TGFBRAP1: variants seen among roughly 807,000 people sequenced by gnomAD.
TGFBRAP1 encodes the protein transforming growth factor-beta receptor-associated protein 1.
In TGFBRAP1, 20 loss-of-function variants were observed where a neutral mutation model predicts 83.2. The ratio of observed to expected loss-of-function variants is 0.24; its 90% confidence interval spans 0.17 to 0.35. The LOEUF (loss-of-function observed/expected upper bound fraction) is 0.35, where lower values mean the gene tolerates loss of function less well. Among genes scored for constraint, TGFBRAP1 ranks in the 10% least tolerant of loss-of-function variants. TGFBRAP1 has a pLI of 1.00. For missense variants in TGFBRAP1, 950 were observed against 1,099.4 expected (o/e 0.86, Z 1.92); for synonymous variants, 415 against 459.8 (o/e 0.90, Z 1.25).
At chr2:105,305,855 C>A (rs1396060373) in intron 2 of TGFBRAP1, among the ~76,000 whole-genome samples, 2 of 151,808 alleles carry the variant, frequency 1.3e-5, no homozygotes, top group Non-Finnish European at 2.9e-5. Flanking sequence ...AGGGTTTCAC[C>A]TTTTGGCCAG....
downstream of TGFBRAP1, among the ~76,000 whole-genome samples, chr2:105,262,245 G>A (rs1052108609): frequency 6.6e-6 from 1 of 152,172 alleles, no homozygotes; most frequent in Non-Finnish European, 1.5e-5. Flanking sequence ...GGGGCCTAGT[G>A]GGAGGTATTG....
chr2:105,318,519 C>T (rs1054604413), intron 1 of TGFBRAP1, among the ~76,000 whole-genome samples: 7 of 152,058 alleles, frequency 4.6e-5, no homozygotes, highest in African/African-American at 1.7e-4. Context: ...ACCAGCTTAC[C>T]CTGGAAATAG....
chr2:105,252,968 A>T, the TGFBRAP1 span, among the ~76,000 whole-genome samples: 7 of 151,614 alleles, frequency 4.6e-5, no homozygotes, highest in African/African-American at 1.7e-4. Context: ...GTTAGCCAGG[A>T]TGGTCTCGAT....
chr2:105,250,209 G>A, the TGFBRAP1 span, among the ~76,000 whole-genome samples: 1 of 152,166 alleles, frequency 6.6e-6, no homozygotes, highest in Non-Finnish European at 1.5e-5. Context: ...ACACTTAGAT[G>A]AGACCAGAAC....
chr2:105,306,581 T>C (rs1678506814), intron 2 of TGFBRAP1, among the ~76,000 whole-genome samples: 1 of 151,880 alleles, frequency 6.6e-6, no homozygotes, highest in South Asian at 2.1e-4. Flanking sequence ...GTGGATCCCT[T>C]GAGGTCAGGA....
At chr2:105,260,829 A>G, downstream of TGFBRAP1, among the ~76,000 whole-genome samples, 1 of 152,230 alleles carries the variant, frequency 6.6e-6, no homozygotes, top group East Asian at 1.9e-4. Flanking sequence ...ATGCACTTAA[A>G]TATAGCCAGG....
chr2:105,271,463 C>T (rs977259950), intron 10 of TGFBRAP1, among the ~76,000 whole-genome samples: 6 of 152,162 alleles, frequency 3.9e-5, no homozygotes, highest in Admixed American at 2.0e-4. Flanking sequence ...CACAGCGGAT[C>T]GCCACAGAAA....
At chr2:105,280,844 G>A in intron 5 of TGFBRAP1, 121 bp from the exon 6 acceptor site, 1 of 1,104,634 alleles carries the variant, frequency 9.1e-7, no homozygotes, top group Non-Finnish European at 1.3e-6. Flanking sequence ...GGGAGCTGGG[G>A]ACAGGGTAAT....
intron 1 of TGFBRAP1, among the ~76,000 whole-genome samples, chr2:105,316,551 A>T (rs1240600245): frequency 1.3e-5 from 2 of 151,460 alleles, no homozygotes; most frequent in African/African-American, 4.9e-5. Context: ...TCATGCCTGT[A>T]ATCCTGTAAT....
intron 4 of TGFBRAP1, among the ~76,000 whole-genome samples, chr2:105,295,231 C>T (rs1426807280): frequency 6.6e-6 from 1 of 152,224 alleles, no homozygotes; most frequent in Non-Finnish European, 1.5e-5. Flanking sequence ...TTTTCAGAAT[C>T]TACCCTTTTC....
chr2:105,314,730 C>T (rs1678798136), intron 1 of TGFBRAP1, among the ~76,000 whole-genome samples: 1 of 151,726 alleles, frequency 6.6e-6, no homozygotes, highest in South Asian at 2.1e-4. Context: ...AGGTGGATCA[C>T]CTGAGGTCAG....
chr2:105,251,365 G>C, the TGFBRAP1 span, among the ~76,000 whole-genome samples: 3 of 141,684 alleles, frequency 2.1e-5, no homozygotes, highest in Non-Finnish European at 3.0e-5. Context: ...TGTGGGGAGC[G>C]CCTCTGCCCC....
intron 1 of TGFBRAP1, among the ~76,000 whole-genome samples, chr2:105,314,949 C>CAA (rs34579505): frequency 1.9e-3 from 168 of 88,674 alleles, no homozygotes; most frequent in Non-Finnish European, 2.5e-3. Flanking sequence ...GACTCTGTCT[C>CAA]AAAAAAAAAA....
At chr2:105,326,338 G>A (rs765684926) in intron 1 of TGFBRAP1, among the ~76,000 whole-genome samples, 2 of 152,140 alleles carry the variant, frequency 1.3e-5, no homozygotes, top group Non-Finnish European at 2.9e-5. Context: ...AAGAGAAGTG[G>A]GAGGTAGAAG....
chr2:105,273,987 G>C (rs941787258), intron 8 of TGFBRAP1, among the ~76,000 whole-genome samples: 2 of 152,130 alleles, frequency 1.3e-5, no homozygotes, highest in Non-Finnish European at 2.9e-5. Context: ...CATGCAAATT[G>C]GAAACTGAAG....
At chr2:105,256,402 G>A in the TGFBRAP1 span, among the ~76,000 whole-genome samples, 1 of 151,998 alleles carries the variant, frequency 6.6e-6, no homozygotes, top group African/African-American at 2.4e-5. Context: ...TTCTGCCTGG[G>A]GCACTTTTCC....
chr2:105,272,321 C>T (rs376014189), intron 10 of TGFBRAP1, among the ~76,000 whole-genome samples: 1 of 152,312 alleles, frequency 6.6e-6, no homozygotes, highest in African/African-American at 2.4e-5. Context: ...GAGCCTTGAG[C>T]AGCTCGGGAA....
At chr2:105,297,543 T>C (rs1275664817) in intron 3 of TGFBRAP1, among the ~76,000 whole-genome samples, 1 of 152,226 alleles carries the variant, frequency 6.6e-6, no homozygotes, top group Non-Finnish European at 1.5e-5. Flanking sequence ...AAGACAGCAC[T>C]TGGCACAGCA....
chr2:105,316,462 T>TGCGCGCGCGCGC (rs764527678), intron 1 of TGFBRAP1, among the ~76,000 whole-genome samples: 53 of 84,806 alleles, frequency 6.2e-4, no homozygotes, highest in African/African-American at 1.5e-3. Context: ...TGTGTGTGTG[T>TGCGCGCGCGCGC]GCGCGCGCGC....
Sources: gnomAD v4.1 joint callset for allele counts (sites outside exome capture counted in the v4.1 genomes callset) on GRCh38, gnomAD v4.1.1 for gene constraint, MANE v1.5 for transcripts, NCBI Gene and HGNC (gene_info 2026-07-23, HGNC 2026-07-21) for gene names.